SMURF1: variants seen among roughly 807,000 people sequenced by gnomAD.
SMURF1 encodes SMAD specific E3 ubiquitin protein ligase 1.
A neutral mutation model predicts 98.0 loss-of-function variants in SMURF1; 44 were observed. The ratio of observed to expected loss-of-function variants is 0.45; its 90% CI spans 0.35 to 0.58. SMURF1 has a LOEUF of 0.58. Among genes scored for constraint, SMURF1 ranks in the 20% least tolerant of loss-of-function variants. The probability of loss-of-function intolerance (pLI) is 0.00; values close to 1 mark genes in which losing one functional copy is unlikely to be tolerated. For missense variants in SMURF1, 687 were observed against 938.4 expected (o/e 0.73, Z 3.50); for synonymous variants, 396 against 374.9 (o/e 1.06, Z -0.65).
intron 1 of SMURF1, among the ~76,000 whole-genome samples, chr7:99,139,967 C>A: frequency 6.6e-6 from 1 of 152,150 alleles, no homozygotes; most frequent in East Asian, 1.9e-4. Context: ...GTGCTACACT[C>A]CAACACAATT....
chr7:99,126,950 C>T (rs1797758714), intron 1 of SMURF1, among the ~76,000 whole-genome samples: 1 of 123,316 alleles, frequency 8.1e-6, no homozygotes, highest in Non-Finnish European at 1.7e-5. Flanking sequence ...ACGTGTTCAG[C>T]ATAGGTTGGG....
intron 1 of SMURF1, among the ~76,000 whole-genome samples, chr7:99,135,713 C>T (rs935377718): frequency 6.6e-6 from 1 of 152,156 alleles, no homozygotes; most frequent in African/African-American, 2.4e-5. Flanking sequence ...TTTTACACAC[C>T]GGACTTTACA....
chr7:99,037,968 C>A (rs918180784), intron 14 of SMURF1, among the ~76,000 whole-genome samples: 9 of 152,216 alleles, frequency 5.9e-5, no homozygotes, highest in Non-Finnish European at 1.3e-4. Context: ...CCACATAGTT[C>A]TCAGCTGCAA....
At chr7:99,033,731 C>T (rs1795009805) in intron 16 of SMURF1, among the ~76,000 whole-genome samples, 1 of 152,220 alleles carries the variant, frequency 6.6e-6, no homozygotes, top group Admixed American at 6.5e-5. Flanking sequence ...GCTATTTGTA[C>T]CCACCCTCTG....
chr7:99,096,662 T>C (rs191676462), intron 1 of SMURF1, among the ~76,000 whole-genome samples: 2 of 152,116 alleles, frequency 1.3e-5, no homozygotes, highest in African/African-American at 2.4e-5. Flanking sequence ...TCAAAATACA[T>C]AAAGCAAAAA....
At chr7:99,057,047 A>C (rs1027870994) in intron 5 of SMURF1, among the ~76,000 whole-genome samples, 158 bp downstream of exon 5, 20 of 151,852 alleles carry the variant, frequency 1.3e-4, no homozygotes, top group African/African-American at 4.4e-4. Flanking sequence ...AAAACTACAC[A>C]AGACAAAACT....
intron 1 of SMURF1, among the ~76,000 whole-genome samples, chr7:99,076,827 G>T (rs537091755): frequency 1.6e-5 from 2 of 128,864 alleles, no homozygotes; most frequent in South Asian, 5.0e-4. Flanking sequence ...ATGTGTGCAC[G>T]TGTGCCCATG....
intron 1 of SMURF1, among the ~76,000 whole-genome samples, chr7:99,065,367 C>T (rs996205272): frequency 9.2e-5 from 14 of 152,178 alleles, no homozygotes; most frequent in African/African-American, 2.7e-4. Flanking sequence ...GGATTACAGA[C>T]GTGAGCTGCT....
chr7:99,047,505 G>T, intron 10 of SMURF1, 179 bp downstream of exon 10: 1 of 640,982 alleles, frequency 1.6e-6, no homozygotes, highest in Non-Finnish European at 2.7e-6. Context: ...ACTTCCCTTA[G>T]TAATAAAATC....
intron 1 of SMURF1, among the ~76,000 whole-genome samples, chr7:99,080,360 C>T (rs924004220): frequency 6.6e-6 from 1 of 152,184 alleles, no homozygotes; most frequent in East Asian, 1.9e-4. Context: ...AGTGCAGCGG[C>T]GCGATCCCGG....
At chr7:99,080,844 C>T (rs1796563746) in intron 1 of SMURF1, among the ~76,000 whole-genome samples, 1 of 152,196 alleles carries the variant, frequency 6.6e-6, no homozygotes, top group African/African-American at 2.4e-5. Context: ...CAGAAGTCTG[C>T]ACTTCCCAGC....
At chr7:99,129,233 T>C (rs550436839) in intron 1 of SMURF1, among the ~76,000 whole-genome samples, 2 of 152,344 alleles carry the variant, frequency 1.3e-5, no homozygotes, top group Admixed American at 1.3e-4. Flanking sequence ...CATAAAACAA[T>C]GGTATGACTT....
chr7:99,100,116 A>G lies in SMURF1; in HGVS notation c.56-38279T>C, dbSNP rs780807802. Among the ~76,000 whole-genome samples the G allele has an allele frequency of 9.4e-3, 1,427 of 152,228 alleles. 12 individuals carry two copies. Among genetic ancestry groups the G allele is most frequent in the Non-Finnish European group, 0.015 (1,024 of 67,988 alleles). On this transcript the variant is annotated intron_variant, in intron 1 of 17. Transcript: ENST00000361368. ...CCTTTAGTGGGAAAAGTTAAAAAAA[A>G]AAAAAAAAAAGCTGCAAAGCAAAAT... is the stretch of plus-strand genomic sequence containing the variant.
chr7:99,034,642 G>C (rs1795058569), intron 16 of SMURF1, among the ~76,000 whole-genome samples: 1 of 152,144 alleles, frequency 6.6e-6, no homozygotes, highest in Non-Finnish European at 1.5e-5. Flanking sequence ...GTAAATGACA[G>C]GCACCAGCAA....
intron 16 of SMURF1, among the ~76,000 whole-genome samples, chr7:99,034,176 G>A (rs1795029068): frequency 6.6e-6 from 1 of 152,194 alleles, no homozygotes; most frequent in Admixed American, 6.5e-5. Context: ...GCTGGGCCAG[G>A]TGAGGGCCTT....
At chr7:99,071,350 G>A (rs909201016) in intron 1 of SMURF1, among the ~76,000 whole-genome samples, 8 of 152,192 alleles carry the variant, frequency 5.3e-5, no homozygotes, top group Admixed American at 2.0e-4. Flanking sequence ...GTGAGCCACC[G>A]CGCCCGGCCA....
intron 1 of SMURF1, among the ~76,000 whole-genome samples, chr7:99,105,223 G>A (rs1441959304): frequency 1.3e-5 from 2 of 152,160 alleles, no homozygotes; most frequent in East Asian, 1.9e-4. Flanking sequence ...AATGCAAAGC[G>A]CAAATTCTCT....
chr7:99,112,017 G>A (rs1303266095), intron 1 of SMURF1, among the ~76,000 whole-genome samples: 1 of 152,100 alleles, frequency 6.6e-6, no homozygotes, highest in Non-Finnish European at 1.5e-5. Flanking sequence ...GCTATTACCT[G>A]GGGCAAGAGA....
In SMURF1 at chr7:99,038,404, T is replaced by C. The variant is rs1795239888; in HGVS notation, c.1672A>G (p.Lys558Glu). The change falls in exon 14 of 18, where the codon AAG (lysine) becomes GAG (glutamate). Residue 558 changes from lysine (K) to glutamate (E), a missense_variant. Transcript: ENST00000361368. ...TGGCATTACCGGACGTATTCTTTCT[T>C]ATTCTCCTCTGTGACTGGCACATTT... ...GRNVPVTEEN[K>E]KEYVRLYVNW... 1 of 1,614,092 alleles carries C rather than the reference T, an allele frequency of 6.2e-7. No homozygotes were observed.
Sources: allele counts gnomAD v4.1 joint callset (sites outside exome capture counted in the v4.1 genomes callset), GRCh38; gene constraint gnomAD v4.1.1; transcripts MANE v1.5; gene names NCBI Gene and HGNC (gene_info 2026-07-23, HGNC 2026-07-21).